The following ITPRIPL1 variants were observed in gnomAD, a reference collection of about 807,000 sequenced individuals.
ITPRIPL1 encodes the protein ITPRIP like 1.
ITPRIPL1 carries 28 observed loss-of-function variants against 40.0 expected under a neutral mutation model. The ratio of observed to expected loss-of-function variants is 0.70; its 90% confidence interval spans 0.52 to 0.96. The LOEUF (loss-of-function observed/expected upper bound fraction) is 0.96, where lower values mean the gene tolerates loss of function less well. Among genes scored for constraint, ITPRIPL1 ranks in the 40% least tolerant of loss-of-function variants. The pLI is 0.00. For missense variants in ITPRIPL1, 638 were observed against 698.0 expected (o/e 0.91, Z 0.97); for synonymous variants, 251 against 275.7 (o/e 0.91, Z 0.89).
At chr2:96,328,543 G>A, downstream of ITPRIPL1, 1 of 431,926 alleles carries the variant, frequency 2.3e-6, no homozygotes, top group Non-Finnish European at 4.1e-6. Flanking sequence ...ACCCAAAGAA[G>A]GTCCAGGGAA....
At chr2:96,330,247 C>CAAAAAAAAAAAAAAAAAAAAAAAAAA, downstream of ITPRIPL1, 1 of 23,126 alleles carries the variant, frequency 4.3e-5, no homozygotes, top group Non-Finnish European at 7.0e-5. Context: ...GACCGCGTCT[C>CAAAAAAAAAAAAAAAAAAAAAAAAAA]AAAAAAAAAA....
chr2:96,326,337 C>T (rs1242658894), intron 2 of ITPRIPL1: 1 of 1,482,448 alleles, frequency 6.7e-7, no homozygotes, highest in Non-Finnish European at 9.0e-7. Flanking sequence ...AAGGGTCCCC[C>T]TCCCCATCCT....
chr2:96,330,234 T>C (rs1403896282), downstream of ITPRIPL1: 1 of 99,360 alleles, frequency 1.0e-5, no homozygotes, highest in Non-Finnish European at 1.8e-5. Flanking sequence ...GGCAAAAAAG[T>C]GAGACCGCGT....
chr2:96,326,296 A>C, intron 2 of ITPRIPL1: 1 of 1,453,386 alleles, frequency 6.9e-7, no homozygotes, highest in Non-Finnish European at 9.1e-7. Context: ...CCCATGGTTG[A>C]CTGAGGAGTC....
rs1306588033 is a variant in ITPRIPL1, at chr2:96,326,865, A to T, written c.234A>T (p.Gly78=). 6.2e-7 allele frequency: 1 copy of T among 1,614,126 alleles called. No individual in the cohort carries two copies. Among genetic ancestry groups the T allele is most frequent in the African/African-American group, 1.3e-5 (1 of 74,938 alleles). The change falls in exon 3 of 3, where the codon GGA becomes GGT. Residue 78 remains glycine (G), a synonymous_variant. Coordinates refer to ENST00000439118, the MANE Select transcript of ITPRIPL1 (RefSeq NM_001008949.3). ...AGAAGGCAGAGAACTTCTGGACAGG[A>T]GACACATCCAGTGACCAGTTAGTGC... The part of the protein sequence containing the change: ...QRQKAENFWT[G]DTSSDQLVLG...
At chr2:96,329,585 C>G (rs1202472711), downstream of ITPRIPL1, 3 of 138,272 alleles carry the variant, frequency 2.2e-5, no homozygotes, top group East Asian at 6.4e-4. Context: ...TCAAAAATGA[C>G]AAAGGGATTA....
chr2:96,325,866 GT>G lies in ITPRIPL1; in HGVS notation c.10+18del, dbSNP rs768782533. The G allele has an allele frequency of 8.7e-6, 14 of 1,613,572 alleles. No individual in the cohort carries two copies. Among genetic ancestry groups the G allele is most frequent in the Non-Finnish European group, 1.1e-5 (13 of 1,179,508 alleles). ...TGAATGTTGGTAAGCGCGGTAGCTT[GT>G]GAATTAGGGTGAGTGGCAGAAGCTC... is the stretch of plus-strand genomic sequence containing the variant. On this transcript the variant is annotated intron_variant, in intron 2 of 2. Coordinates refer to ENST00000439118, the MANE Select transcript of ITPRIPL1 (RefSeq NM_001008949.3).
At chr2:96,330,402 C>T (rs1291649243), downstream of ITPRIPL1, 2 of 152,050 alleles carry the variant, frequency 1.3e-5, no homozygotes, top group African/African-American at 4.8e-5. Context: ...GGTTGCTTCC[C>T]TGCTGATGGG....
chr2:96,326,975 CTG>C lies in ITPRIPL1; in HGVS notation c.345_346del (p.Gly116ProfsTer9). On this transcript the variant is annotated frameshift_variant, in exon 3 of 3. Coordinates refer to ENST00000439118, the MANE Select transcript of ITPRIPL1 (RefSeq NM_001008949.3). LOFTEE classifies it high-confidence loss of function. ...TGGATGCTGGGAAACCTGTGGAACACTGGCCTCTTTTGCCTTTTTCTCGTCTT... is the reference window on the plus strand; with the variant it reads ...TGGATGCTGGGAAACCTGTGGAACACGCCTCTTTTGCCTTTTTCTCGTCTT... 1.2e-6 allele frequency: 2 copies of C among 1,614,258 alleles called. No individual in the cohort carries two copies. The highest frequency in any genetic ancestry group is 2.2e-5 in the South Asian group (2 of 91,086).
At position 96,326,847 on chromosome 2, in the gene ITPRIPL1, A is replaced by C. The variant is rs1163276418; in HGVS notation, c.216A>C (p.Ala72=). 1 of 1,614,252 alleles carries C rather than the reference A, an allele frequency of 6.2e-7. No individual in the cohort carries two copies. The highest frequency in any genetic ancestry group is 1.7e-5 in the Admixed American group (1 of 60,034). ...GAGCCGCTGAGCAGAGGCAGAAGGC[A>C]GAGAACTTCTGGACAGGAGACACAT... ...RKRAAEQRQK[A]ENFWTGDTSS... The change falls in exon 3 of 3, where the codon GCA becomes GCC. Residue 72 remains alanine (A), a synonymous_variant. Coordinates refer to ENST00000439118, the MANE Select transcript of ITPRIPL1 (RefSeq NM_001008949.3).
chr2:96,328,556 G>A (rs539358463), downstream of ITPRIPL1: 5 of 388,812 alleles, frequency 1.3e-5, no homozygotes, highest in African/African-American at 4.1e-5. Flanking sequence ...CCAGGGAAAC[G>A]GATGTTATGG....
chr2:96,327,523 A>T lies in ITPRIPL1; in HGVS notation c.892A>T (p.Lys298Ter). ...CAGGGACCCCTCGGCAGTCTTGGGG[A>T]AGTGTAGTAGCTCCATCAAGGCAGC... ...HHRDPSAVLG[K>*]CSSSIKAALC... The change falls in exon 3 of 3, where the codon AAG (lysine) becomes TAG (stop). Residue 298 changes from lysine to a stop codon, truncating the protein, a stop_gained. Transcript: ENST00000439118. LOFTEE classifies it high-confidence loss of function. 6.2e-7 allele frequency: 1 copy of T among 1,613,846 alleles called. No individual in the cohort carries two copies. The highest frequency in any genetic ancestry group is 8.5e-7 in the Non-Finnish European group (1 of 1,179,956).
At chr2:96,329,149 TTA>T (rs57173953), downstream of ITPRIPL1, 9,161 of 83,886 alleles carry the variant, frequency 0.11, 384 homozygotes, top group Admixed American at 0.13. Context: ...AAAAAAAAAA[TTA>T]TATATATATA....
chr2:96,326,741 C>T lies in ITPRIPL1; in HGVS notation c.110C>T (p.Thr37Ile). Residue 37 changes from threonine (T) to isoleucine (I), a missense_variant, in exon 3 of 3, where the codon ACA (threonine) becomes ATA (isoleucine). By Grantham distance (89) the Thr-to-Ile change is moderately conservative. Transcript: ENST00000439118. ...GTCAGTGATCGGATGGACCTGGACA[C>T]ATTAGCCAGGAGTCGGCAGCTGGAG... ...LMVSDRMDLDTLARSRQLEKR... is the reference protein window; with the variant it reads ...LMVSDRMDLDILARSRQLEKR... The T allele has an allele frequency of 6.2e-7, 1 of 1,614,208 alleles. No individual in the cohort carries two copies. The highest frequency in any genetic ancestry group is 8.5e-7 in the Non-Finnish European group (1 of 1,180,024).
intron 2 of ITPRIPL1, chr2:96,326,151 T>C: frequency 6.7e-7 from 1 of 1,483,598 alleles, no homozygotes; most frequent in Non-Finnish European, 9.0e-7. Flanking sequence ...GTGAGCAGAA[T>C]GAAGACTGTG....
At chr2:96,328,914 T>G (rs1432447588), downstream of ITPRIPL1, 1 of 152,044 alleles carries the variant, frequency 6.6e-6, no homozygotes, top group African/African-American at 2.4e-5. Context: ...GGTGGGTGTA[T>G]CGCCTGAGTT....
Position 96,327,196 on chromosome 2 carries a change from T to C in ITPRIPL1, c.565T>C (p.Phe189Leu). ...CCGTGACCTGCCCTGCACCTGTGAGTTTGTGGAGAGTTTTGTGGATGATCT... is the reference window on the plus strand; with the variant it reads ...CCGTGACCTGCCCTGCACCTGTGAGCTTGTGGAGAGTTTTGTGGATGATCT... Reference protein sequence around the residue: ...AIRDLPCTCEFVESFVDDLIE... With the variant: ...AIRDLPCTCELVESFVDDLIE... Residue 189 changes from phenylalanine to leucine, a missense_variant, in exon 3 of 3, where the codon TTT (phenylalanine) becomes CTT (leucine). Physicochemically the swap from Phe to Leu is conservative, Grantham distance 22 (BLOSUM62 0). Coordinates refer to ENST00000439118, the MANE Select transcript of ITPRIPL1 (RefSeq NM_001008949.3). 1 of 1,613,860 alleles carries C rather than the reference T, an allele frequency of 6.2e-7. No homozygotes were observed.
At position 96,325,443 on chromosome 2, in the gene ITPRIPL1, G is replaced by A; in HGVS notation, c.-216G>A. The A allele has an allele frequency of 3.3e-6, 1 of 302,128 alleles. No homozygotes were observed. The highest frequency in any genetic ancestry group is 6.4e-6 in the Non-Finnish European group (1 of 156,476). 18.7% of individuals were successfully genotyped at this position (302,128 alleles called of 1,614,324 possible). ...GCATGGTCTATAACCCAGGAAAGGG[G>A]AGCAGGGCCACTCCCGCGGGCGGCC... is the stretch of plus-strand genomic sequence containing the variant. On this transcript the variant is annotated 5_prime_UTR_variant, in exon 1 of 3. Transcript: ENST00000439118.
rs532742424 is a variant in ITPRIPL1, at chr2:96,325,847, T to C, written c.8T>C (p.Val3Ala). 3.9e-4 allele frequency: 628 copies of C among 1,613,868 alleles called. 8 individuals carry two copies. The South Asian group carries it at 5.1e-3, about 13-fold the overall frequency. ...CACACGGCATAGTCCTTCATGAATG[T>C]TGGTAAGCGCGGTAGCTTGTGAATT... MN[V>A]DAEASMAVIS... Residue 3 changes from valine (V) to alanine (A), a missense_variant and splice_region_variant, in exon 2 of 3, where the codon GTT (valine) becomes GCT (alanine). Physicochemically the swap from Val to Ala is moderately conservative, Grantham distance 64. Coordinates refer to ENST00000439118, the MANE Select transcript of ITPRIPL1 (RefSeq NM_001008949.3).
Sources: gnomAD v4.1 joint callset for allele counts on GRCh38, gnomAD v4.1.1 for gene constraint, MANE v1.5 for transcripts, NCBI Gene and HGNC (gene_info 2026-07-23, HGNC 2026-07-21) for gene names.